DIPK1A: variants seen among roughly 807,000 people sequenced by gnomAD.
DIPK1A encodes the protein family with sequence similarity 69 member A.
A neutral mutation model predicts 40.8 loss-of-function variants in DIPK1A; 27 were observed. The ratio of observed to expected loss-of-function variants is 0.66; its 90% CI spans 0.49 to 0.91. DIPK1A has a LOEUF of 0.91. Ranked by LOEUF, DIPK1A falls within the 40% of genes least tolerant of loss-of-function variation. The pLI, the probability that DIPK1A is intolerant of heterozygous loss-of-function variation, is 0.00. For missense variants in DIPK1A, 412 were observed against 505.7 expected, an observed-to-expected ratio of 0.81 and a Z score of 1.78; for synonymous variants, 166 against 171.3, an observed-to-expected ratio of 0.97 and a Z score of 0.24.
chr1:92,879,902 C>A (rs1050483320), intron 1 of DIPK1A, among the ~76,000 whole-genome samples: 1 of 152,084 alleles, frequency 6.6e-6, no homozygotes, highest in South Asian at 2.1e-4. Flanking sequence ...GTTTTTTGTT[C>A]GGCAGATTGT....
rs1200276211 is a variant in DIPK1A, at chr1:92,834,038, A to C, written c.475-1004T>G. The C allele has an allele frequency of 1.7e-5, 5 of 302,770 alleles. 1 individual carries two copies. The highest frequency in any genetic ancestry group is 6.5e-5 in the African/African-American group (3 of 45,836). 18.8% of individuals were successfully genotyped at this position (302,770 alleles called of 1,614,324 possible). ...GTTTGAGCCCCGAGGTTGAGGCTGCAGTGAAGTGAGATCACACCCAGCCCT... is the reference window on the plus strand; with the variant it reads ...GTTTGAGCCCCGAGGTTGAGGCTGCCGTGAAGTGAGATCACACCCAGCCCT... On this transcript the variant is annotated intron_variant, in intron 4 of 4. Coordinates refer to the DIPK1A transcript ENST00000615519.
intron 1 of DIPK1A, among the ~76,000 whole-genome samples, chr1:92,913,335 C>G (rs1462975305): frequency 6.6e-6 from 1 of 151,734 alleles, no homozygotes; most frequent in African/African-American, 2.4e-5. Context: ...TATGTTTGCT[C>G]TAGTACTTTA....
At chr1:92,837,228 TG>T, downstream of DIPK1A, 1 of 710,854 alleles carries the variant, frequency 1.4e-6, no homozygotes, top group Non-Finnish European at 2.6e-6. Context: ...GCCTTGGTAA[TG>T]GCTTTTAAAG....
chr1:92,897,520 G>A (rs376840437), intron 1 of DIPK1A, among the ~76,000 whole-genome samples: 1 of 151,990 alleles, frequency 6.6e-6, no homozygotes, highest in Admixed American at 6.6e-5. Context: ...GTGGGCGGAG[G>A]GGGGAGGGAT....
At chr1:92,930,008 T>C (rs543510251) in intron 1 of DIPK1A, among the ~76,000 whole-genome samples, 6 of 152,218 alleles carry the variant, frequency 3.9e-5, no homozygotes, top group Non-Finnish European at 1.5e-5. Flanking sequence ...TAACCACCCT[T>C]GAACCAAGCA....
intron 2 of DIPK1A, among the ~76,000 whole-genome samples, chr1:92,867,094 C>G (rs975976012): frequency 6.6e-6 from 1 of 152,092 alleles, no homozygotes; most frequent in Admixed American, 6.6e-5. Context: ...TTTATCCTTA[C>G]GACCACCTGA....
downstream of DIPK1A, chr1:92,837,788 AGT>A: frequency 1.5e-6 from 1 of 670,470 alleles, no homozygotes; most frequent in Non-Finnish European, 2.6e-6. Flanking sequence ...TAGATGCTCA[AGT>A]GTGGGAGACT....
chr1:92,876,589 C>T, intron 1 of DIPK1A, 159 bp from the exon 2 acceptor site: 3 of 672,518 alleles, frequency 4.5e-6, no homozygotes, highest in South Asian at 4.7e-5. Flanking sequence ...TGAGTCCAAA[C>T]AGCACTGGTC....
At chr1:92,868,166 A>C (rs553775615) in intron 2 of DIPK1A, among the ~76,000 whole-genome samples, 1 of 152,320 alleles carries the variant, frequency 6.6e-6, no homozygotes, top group Non-Finnish European at 1.5e-5. Flanking sequence ...CAATGAAATA[A>C]AATCACTTAC....
chr1:92,894,043 C>T (rs1237342167), intron 1 of DIPK1A, among the ~76,000 whole-genome samples: 1 of 152,030 alleles, frequency 6.6e-6, no homozygotes, highest in Non-Finnish European at 1.5e-5. Flanking sequence ...GACTCCCACA[C>T]AATAATAATG....
intron 2 of DIPK1A, among the ~76,000 whole-genome samples, chr1:92,864,070 A>C (rs1647416310): frequency 6.6e-6 from 1 of 152,142 alleles, no homozygotes; most frequent in African/African-American, 2.4e-5. Flanking sequence ...AAACCAAAAA[A>C]CAAAAACAAA....
intron 4 of DIPK1A, among the ~76,000 whole-genome samples, chr1:92,845,716 A>G (rs1404571007): frequency 6.6e-5 from 10 of 151,846 alleles, no homozygotes; most frequent in Non-Finnish European, 1.3e-4. Context: ...GGTGCCTGTA[A>G]TCCCAGCTAC....
chr1:92,849,055 C>A (rs1325156410), intron 3 of DIPK1A, among the ~76,000 whole-genome samples: 1 of 151,970 alleles, frequency 6.6e-6, no homozygotes, highest in African/African-American at 2.4e-5. Context: ...GTTTGCAGTT[C>A]TTTTGTGATT....
At chr1:92,876,039 T>A (rs907910222) in intron 2 of DIPK1A, among the ~76,000 whole-genome samples, 1 of 149,844 alleles carries the variant, frequency 6.7e-6, no homozygotes, top group Non-Finnish European at 1.5e-5. Flanking sequence ...TATATATATA[T>A]AATAAAAATC....
chr1:92,858,828 G>A (rs572495723), intron 2 of DIPK1A, among the ~76,000 whole-genome samples: 1 of 152,100 alleles, frequency 6.6e-6, no homozygotes, highest in Non-Finnish European at 1.5e-5. Flanking sequence ...TTGTTTTGTT[G>A]TTTTTCAGGC....
chr1:92,944,361 C>T lies in DIPK1A; in HGVS notation c.54+17015G>A, dbSNP rs72728628. ...GATCCAAGTCTTAAGATTCAAAGGG[C>T]TCAGTGAGTACCCATACAACTGATA... On this transcript the variant is annotated intron_variant, in intron 1 of 4. Transcript: ENST00000370310. Among the ~76,000 whole-genome samples the T allele has an allele frequency of 2.2e-3, 333 of 152,222 alleles. 2 individuals are homozygous for T. The highest frequency in any genetic ancestry group is 4.6e-3 in the Admixed American group (70 of 15,288).
intron 1 of DIPK1A, among the ~76,000 whole-genome samples, chr1:92,955,551 AG>A (rs1220368180): frequency 1.2e-4 from 18 of 151,644 alleles, no homozygotes; most frequent in African/African-American, 4.4e-4. Context: ...ACAAAAAATT[AG>A]CCAGGAGTGG....
At chr1:92,922,308 G>GT (rs1170143365) in intron 1 of DIPK1A, among the ~76,000 whole-genome samples, 3 of 144,262 alleles carry the variant, frequency 2.1e-5, no homozygotes. Context: ...TTTCTTTTCA[G>GT]TTTTTTTGGA....
At chr1:92,891,372 G>C (rs889621582) in intron 1 of DIPK1A, among the ~76,000 whole-genome samples, 7 of 151,012 alleles carry the variant, frequency 4.6e-5, no homozygotes, top group African/African-American at 1.7e-4. Context: ...CTAGCTCCTT[G>C]AGATACATTG....
Sources: allele counts gnomAD v4.1 joint callset (sites outside exome capture counted in the v4.1 genomes callset), GRCh38; gene constraint gnomAD v4.1.1; transcripts MANE v1.5; gene names NCBI Gene and HGNC (gene_info 2026-07-23, HGNC 2026-07-21).